The following PRIM2 variants were observed in gnomAD, a reference collection of about 807,000 sequenced individuals.
PRIM2 encodes the protein DNA primase large subunit.
PRIM2 carries 39 observed loss-of-function variants against 67.3 expected under a neutral mutation model. The observed-to-expected ratio is 0.58, with a 90% CI of 0.45 to 0.76. The LOEUF is 0.76. Among genes scored for constraint, PRIM2 ranks in the 30% least tolerant of loss-of-function variants. The pLI is 0.00. For synonymous variants in PRIM2, 143 were observed against 198.7 expected, an observed-to-expected ratio of 0.72 and a Z score of 2.36; for missense variants, 398 against 598.7, an observed-to-expected ratio of 0.66 and a Z score of 3.50.
intron 7 of PRIM2, among the ~76,000 whole-genome samples, chr6:57,389,187 C>G (rs1770247869): frequency 6.6e-6 from 1 of 152,192 alleles, no homozygotes; most frequent in African/African-American, 2.4e-5. Flanking sequence ...TCACCATGGC[C>G]TTGACCTCCC....
At chr6:57,542,963 C>T (rs1165764068) in intron 10 of PRIM2, among the ~76,000 whole-genome samples, 4 of 14,508 alleles carry the variant, frequency 2.8e-4, no homozygotes, top group Non-Finnish European at 3.9e-4. Flanking sequence ...TTTTTTGAGA[C>T]GGAGTCTCGC....
chr6:57,605,362 T>C (rs1776541278), intron 11 of PRIM2, among the ~76,000 whole-genome samples: 1 of 152,254 alleles, frequency 6.6e-6, no homozygotes, highest in Admixed American at 6.5e-5. Flanking sequence ...CCAATTCTTC[T>C]TTGTACATCT....
chr6:57,403,287 C>T (rs538174804), intron 7 of PRIM2, among the ~76,000 whole-genome samples: 75 of 139,206 alleles, frequency 5.4e-4, no homozygotes, highest in African/African-American at 8.4e-4. Flanking sequence ...GATCCAGTCT[C>T]GCTCTGTTGC....
chr6:57,613,257 T>C (rs1486895029), intron 12 of PRIM2, among the ~76,000 whole-genome samples: 1 of 152,106 alleles, frequency 6.6e-6, no homozygotes, highest in Non-Finnish European at 1.5e-5. Flanking sequence ...TAATAAAAAA[T>C]GGAAATGGTT....
chr6:57,638,047 A>T (rs1169785272), intron 13 of PRIM2, among the ~76,000 whole-genome samples: 2 of 151,958 alleles, frequency 1.3e-5, no homozygotes, highest in South Asian at 2.1e-4. Context: ...CTAACAGCGG[A>T]TCTCTCTGCA....
chr6:57,230,438 G>A, the PRIM2 span, among the ~76,000 whole-genome samples: 2 of 152,098 alleles, frequency 1.3e-5, no homozygotes, highest in Non-Finnish European at 2.9e-5. Flanking sequence ...TTTTGACATA[G>A]GCTATTGTAT....
At chr6:57,501,894 T>A (rs1581956565) in intron 7 of PRIM2, among the ~76,000 whole-genome samples, 1 of 152,042 alleles carries the variant, frequency 6.6e-6, no homozygotes, top group African/African-American at 2.4e-5. Context: ...GCTGGTTAGG[T>A]TTTTTTGTTC....
intron 8 of PRIM2, among the ~76,000 whole-genome samples, chr6:57,507,892 C>G (rs1774282387): frequency 6.6e-6 from 1 of 152,124 alleles, no homozygotes; most frequent in Admixed American, 6.5e-5. Context: ...AAAAACCTAT[C>G]ATTACTACTC....
intron 13 of PRIM2, among the ~76,000 whole-genome samples, chr6:57,637,320 G>A (rs1777139125): frequency 6.6e-6 from 1 of 152,110 alleles, no homozygotes; most frequent in African/African-American, 2.4e-5. Flanking sequence ...CAAAAAGGCT[G>A]AAAATTCCAA....
the PRIM2 span, among the ~76,000 whole-genome samples, chr6:57,233,745 G>A: frequency 6.6e-6 from 1 of 151,712 alleles, no homozygotes; most frequent in African/African-American, 2.4e-5. Flanking sequence ...AAACACATGG[G>A]CTCAAGTGAT....
At chr6:57,292,591 G>T in the PRIM2 span, among the ~76,000 whole-genome samples, 1 of 152,020 alleles carries the variant, frequency 6.6e-6, no homozygotes, top group African/African-American at 2.4e-5. Context: ...ACCTGACTTC[G>T]AACTAAACTA....
At chr6:57,411,658 A>G (rs1360427392) in intron 7 of PRIM2, among the ~76,000 whole-genome samples, 1 of 152,090 alleles carries the variant, frequency 6.6e-6, no homozygotes, top group African/African-American at 2.4e-5. Flanking sequence ...TTAAAACAAT[A>G]TTAAGTCAAT....
At chr6:57,560,136 A>T (rs1345047672) in intron 10 of PRIM2, among the ~76,000 whole-genome samples, 1 of 152,222 alleles carries the variant, frequency 6.6e-6, no homozygotes, top group African/African-American at 2.4e-5. Context: ...GCTGTTTATA[A>T]GTTAAGTGTA....
chr6:57,394,872 G>A lies in PRIM2; in HGVS notation c.693+12704G>A, dbSNP rs568212494. ...TTTTGTGGAGAGTTTTAATCATAAA[G>A]AGATGCTGAATTTTGTGGAATGCCT... On this transcript the variant is annotated intron_variant, in intron 7 of 13. Transcript: ENST00000615550. Among the ~76,000 whole-genome samples the A allele has an allele frequency of 1.5e-4, 23 of 151,998 alleles. No homozygotes were observed. The East Asian group carries it at 4.2e-3, about 28-fold the overall frequency.
At chr6:57,626,209 CGTT>C (rs1325707787) in intron 12 of PRIM2, among the ~76,000 whole-genome samples, 1 of 152,210 alleles carries the variant, frequency 6.6e-6, no homozygotes, top group Non-Finnish European at 1.5e-5. Context: ...ATCTGAACCT[CGTT>C]GGCAGGCATT....
At chr6:57,602,938 A>T (rs1164982031) in intron 11 of PRIM2, among the ~76,000 whole-genome samples, 2,980 of 152,310 alleles carry the variant, frequency 0.02, 117 homozygotes, top group African/African-American at 0.067. Context: ...ACACACGCAC[A>T]ACCTCCGTTG....
At chr6:57,540,042 A>G (rs1315469356) in intron 10 of PRIM2, among the ~76,000 whole-genome samples, 2 of 152,096 alleles carry the variant, frequency 1.3e-5, no homozygotes, top group African/African-American at 4.8e-5. Flanking sequence ...GTTTTAATGC[A>G]TGCTGTGAAA....
At chr6:57,332,669 A>T (rs1429927905) in intron 5 of PRIM2, among the ~76,000 whole-genome samples, 1 of 152,114 alleles carries the variant, frequency 6.6e-6, no homozygotes, top group East Asian at 1.9e-4. Context: ...TTTGTTTGAC[A>T]TTAGCATAGC....
At chr6:57,640,431 G>A (rs1777209966) in intron 13 of PRIM2, among the ~76,000 whole-genome samples, 1 of 152,144 alleles carries the variant, frequency 6.6e-6, no homozygotes, top group Non-Finnish European at 1.5e-5. Context: ...CAAATAGGAA[G>A]AGAGGGAGTC....
Sources: gnomAD v4.1 joint callset for allele counts (sites outside exome capture counted in the v4.1 genomes callset) on GRCh38, gnomAD v4.1.1 for gene constraint, MANE v1.5 for transcripts, NCBI Gene and HGNC (gene_info 2026-07-23, HGNC 2026-07-21) for gene names.